The following CPEB3 variants were observed in gnomAD, a reference collection of about 807,000 sequenced individuals.
CPEB3 encodes the protein cytoplasmic polyadenylation element-binding protein 3.
CPEB3 carries 20 observed loss-of-function variants against 67.2 expected under a neutral mutation model. That is an observed-to-expected ratio of 0.30 (90% CI 0.21 to 0.43). The LOEUF (loss-of-function observed/expected upper bound fraction) is 0.43. Among genes scored for constraint, CPEB3 ranks in the 20% least tolerant of loss-of-function variants. CPEB3 has a pLI of 1.00. For missense variants in CPEB3, 746 were observed against 968.6 expected (o/e 0.77, Z 3.05); for synonymous variants, 376 against 393.1 (o/e 0.96, Z 0.51).
intron 4 of CPEB3, among the ~76,000 whole-genome samples, chr10:92,152,044 T>C (rs981024377): frequency 5.3e-5 from 8 of 152,208 alleles, no homozygotes; most frequent in African/African-American, 1.9e-4. Flanking sequence ...AGATTTCCTC[T>C]TGTACTTGGA....
At chr10:92,256,397 T>TA (rs1004638088) in intron 1 of CPEB3, among the ~76,000 whole-genome samples, 1 of 151,696 alleles carries the variant, frequency 6.6e-6, no homozygotes, top group Non-Finnish European at 1.5e-5. Flanking sequence ...TTTTTTCTTT[T>TA]TTTTTTTTTT....
At chr10:92,107,859 T>C (rs1366703956) in intron 7 of CPEB3, among the ~76,000 whole-genome samples, 1 of 152,200 alleles carries the variant, frequency 6.6e-6, no homozygotes, top group Non-Finnish European at 1.5e-5. Context: ...ACCAGACCTA[T>C]ACACAGAATA....
At chr10:92,288,441 C>G (rs1049721116) in intron 1 of CPEB3, among the ~76,000 whole-genome samples, 2 of 135,996 alleles carry the variant, frequency 1.5e-5, no homozygotes, top group African/African-American at 5.5e-5. Context: ...GATGACAAAG[C>G]GAGACTCTGT....
At chr10:92,244,138 G>T (rs375361059) in intron 1 of CPEB3, among the ~76,000 whole-genome samples, 2 of 152,214 alleles carry the variant, frequency 1.3e-5, no homozygotes, top group South Asian at 2.1e-4. Context: ...CCTGAGGTCA[G>T]GAGTTCGAGA....
At chr10:92,055,133 C>A (rs1842063043) in intron 9 of CPEB3, among the ~76,000 whole-genome samples, 1 of 152,196 alleles carries the variant, frequency 6.6e-6, no homozygotes, top group Non-Finnish European at 1.5e-5. Context: ...AAATGCTTAA[C>A]AAACATATGT....
intron 2 of CPEB3, among the ~76,000 whole-genome samples, chr10:92,223,273 C>G (rs1850787199): frequency 6.6e-6 from 1 of 152,174 alleles, no homozygotes; most frequent in Non-Finnish European, 1.5e-5. Flanking sequence ...ATAAGGTTTT[C>G]CTTTCCACAC....
chr10:92,282,000 C>T (rs1842316232), intron 1 of CPEB3, among the ~76,000 whole-genome samples: 1 of 152,202 alleles, frequency 6.6e-6, no homozygotes, highest in African/African-American at 2.4e-5. Context: ...CAAGGCCATA[C>T]TTTGAGAACT....
intron 2 of CPEB3, among the ~76,000 whole-genome samples, chr10:92,214,602 TCCC>T (rs1423462931): frequency 6.6e-6 from 1 of 151,520 alleles, no homozygotes; most frequent in Admixed American, 6.6e-5. Context: ...CCTGCCTCAG[TCCC>T]CCAAGTAGCT....
chr10:92,252,025 A>C (rs1031183885), intron 1 of CPEB3, among the ~76,000 whole-genome samples: 1 of 152,056 alleles, frequency 6.6e-6, no homozygotes, highest in Non-Finnish European at 1.5e-5. Flanking sequence ...GAATGGGAGA[A>C]TATATGCTCT....
At chr10:92,173,049 C>T (rs1848075882) in intron 4 of CPEB3, among the ~76,000 whole-genome samples, 1 of 152,172 alleles carries the variant, frequency 6.6e-6, no homozygotes. Flanking sequence ...TCTGATCACC[C>T]ATATTGAGTG....
At chr10:92,172,347 T>C (rs1848042743) in intron 4 of CPEB3, among the ~76,000 whole-genome samples, 1 of 151,992 alleles carries the variant, frequency 6.6e-6, no homozygotes. Context: ...TGTATGTGTG[T>C]GGAGGGTAAT....
At chr10:92,110,456 G>A (rs1429638681) in intron 7 of CPEB3, among the ~76,000 whole-genome samples, 1 of 152,196 alleles carries the variant, frequency 6.6e-6, no homozygotes, top group Non-Finnish European at 1.5e-5. Context: ...TCTTCTGCCA[G>A]AGGAAGGACA....
At position 92,105,715 on chromosome 10, in the gene CPEB3, G is replaced by GTTTTT. The variant is rs999673116; in HGVS notation, c.1572+5356_1572+5360dup. On this transcript the variant is annotated intron_variant, in intron 7 of 9. Coordinates refer to ENST00000265997, the MANE Select transcript of CPEB3 (RefSeq NM_014912.5). Reference sequence around the variant, plus strand: ...GTGTATTTATATACTTGTTTTGTGGGTTTTTTTTTTTTTTTTTTTTCTGAG... The same window carrying GTTTTT: ...GTGTATTTATATACTTGTTTTGTGGGTTTTTTTTTTTTTTTTTTTTTTTTTCTGAG... 2.6e-4 allele frequency among the ~76,000 whole-genome samples: 28 copies of GTTTTT among 109,730 alleles called. 1 individual carries two copies. The highest frequency in any genetic ancestry group is 4.8e-4 in the African/African-American group (13 of 27,042). The allele number at this position is 109,730 out of a possible 152,430, so 72.0% of individuals were successfully genotyped here.
chr10:92,071,215 T>C (rs1029435764), intron 9 of CPEB3, among the ~76,000 whole-genome samples: 2 of 152,104 alleles, frequency 1.3e-5, no homozygotes, highest in Non-Finnish European at 2.9e-5. Flanking sequence ...ATGGGATGTA[T>C]TGGGAAACTA....
intron 7 of CPEB3, among the ~76,000 whole-genome samples, chr10:92,103,274 C>T (rs1287307850): frequency 6.6e-6 from 1 of 152,204 alleles, no homozygotes; most frequent in Admixed American, 6.6e-5. Context: ...GTTGATGCTG[C>T]TTCGTCACTC....
intron 1 of CPEB3, among the ~76,000 whole-genome samples, chr10:92,281,261 G>A (rs1005525164): frequency 6.6e-6 from 1 of 151,266 alleles, no homozygotes; most frequent in African/African-American, 2.4e-5. Flanking sequence ...TTGGGCGGGG[G>A]TGCAGGAGGG....
chr10:92,177,934 A>C (rs1848296025), intron 4 of CPEB3, among the ~76,000 whole-genome samples: 1 of 152,140 alleles, frequency 6.6e-6, no homozygotes, highest in Non-Finnish European at 1.5e-5. Context: ...TTCCATAGAG[A>C]CCTAGGAAGC....
At chr10:92,245,183 G>C (rs1249337307) in intron 1 of CPEB3, among the ~76,000 whole-genome samples, 1 of 145,420 alleles carries the variant, frequency 6.9e-6, no homozygotes, top group East Asian at 2.0e-4. Flanking sequence ...TGTCACCCAG[G>C]CTGGAGTGCA....
At chr10:92,181,777 G>C (rs564629849) in intron 3 of CPEB3, among the ~76,000 whole-genome samples, 1 of 152,290 alleles carries the variant, frequency 6.6e-6, no homozygotes, top group African/African-American at 2.4e-5. Flanking sequence ...ATGTGACAGA[G>C]ACCATGTGGC....
Sources: gnomAD v4.1 joint callset for allele counts (sites outside exome capture counted in the v4.1 genomes callset) on GRCh38, gnomAD v4.1.1 for gene constraint, MANE v1.5 for transcripts, NCBI Gene and HGNC (gene_info 2026-07-23, HGNC 2026-07-21) for gene names.